Variants in C12orf42 observed in about 807,000 individuals in gnomAD.
C12orf42 encodes uncharacterized protein C12orf42.
C12orf42 carries 25 observed loss-of-function variants against 21.6 expected under a neutral mutation model. That is an observed-to-expected ratio of 1.16 (90% CI 0.84 to 1.62). C12orf42 has a LOEUF of 1.62. Among genes scored for constraint, C12orf42 ranks in the 40% most tolerant of loss-of-function variants. The probability of loss-of-function intolerance (pLI) is 0.00; values close to 1 mark genes in which losing one functional copy is unlikely to be tolerated. For missense variants in C12orf42, 483 were observed against 459.3 expected (o/e 1.05, Z -0.47); for synonymous variants, 174 against 175.0 (o/e 0.99, Z 0.05).
At chr12:103,122,359 AT>A in the C12orf42 span, among the ~76,000 whole-genome samples, 2 of 152,198 alleles carry the variant, frequency 1.3e-5, no homozygotes, top group Non-Finnish European at 2.9e-5. Flanking sequence ...TGCATGGGCA[AT>A]TTAGGGTAAG....
At chr12:103,533,900 C>T in the C12orf42 span, among the ~76,000 whole-genome samples, 3 of 152,026 alleles carry the variant, frequency 2.0e-5, no homozygotes, top group Non-Finnish European at 2.9e-5. Context: ...CAGCACTTAC[C>T]AATAGTGCAG....
At chr12:103,554,776 T>A in the C12orf42 span, among the ~76,000 whole-genome samples, 1 of 152,136 alleles carries the variant, frequency 6.6e-6, no homozygotes, top group East Asian at 1.9e-4. Flanking sequence ...GAGAACTCTA[T>A]CGCAAGACAG....
At chr12:103,429,200 G>C (rs1950080033) in intron 2 of C12orf42, among the ~76,000 whole-genome samples, 2 of 152,220 alleles carry the variant, frequency 1.3e-5, no homozygotes, top group Non-Finnish European at 2.9e-5. Context: ...CAGATGACAT[G>C]ATTGTATGTT....
chr12:103,471,127 C>T (rs1055113434), intron 2 of C12orf42, among the ~76,000 whole-genome samples: 8 of 152,130 alleles, frequency 5.3e-5, no homozygotes, highest in African/African-American at 1.9e-4. Context: ...TTTTCATTTC[C>T]TTACTCAACT....
chr12:103,416,622 G>C (rs1371285734), intron 2 of C12orf42, among the ~76,000 whole-genome samples: 2 of 98,166 alleles, frequency 2.0e-5, no homozygotes, highest in African/African-American at 5.7e-5. Flanking sequence ...CTATATGCAA[G>C]ACAGTTAAAA....
chr12:103,204,267 C>T, the C12orf42 span, among the ~76,000 whole-genome samples: 3 of 152,156 alleles, frequency 2.0e-5, no homozygotes, highest in Non-Finnish European at 2.9e-5. Context: ...GACCCTAAAA[C>T]TTTCAACTTC....
the C12orf42 span, among the ~76,000 whole-genome samples, chr12:103,062,663 A>C: frequency 1.3e-5 from 2 of 152,172 alleles, no homozygotes; most frequent in Non-Finnish European, 2.9e-5. Flanking sequence ...TGCTGCTTTT[A>C]AAATTTTTGT....
At chr12:103,347,300 C>A (rs944273750) in intron 4 of C12orf42, among the ~76,000 whole-genome samples, 1 of 151,170 alleles carries the variant, frequency 6.6e-6, no homozygotes, top group Non-Finnish European at 1.5e-5. Flanking sequence ...TGAGAACATG[C>A]GGTGTTTGGT....
the C12orf42 span, among the ~76,000 whole-genome samples, chr12:103,512,090 C>T: frequency 1.3e-5 from 2 of 152,178 alleles, no homozygotes; most frequent in Non-Finnish European, 2.9e-5. Flanking sequence ...TTATTCCTAT[C>T]ACTGTCCTAC....
upstream of C12orf42, among the ~76,000 whole-genome samples, chr12:103,497,906 G>C (rs527526250): frequency 6.6e-6 from 1 of 151,982 alleles, no homozygotes; most frequent in African/African-American, 2.4e-5. Context: ...GTGGTGGCAC[G>C]CGCCCATAGT....
chr12:103,506,489 C>T, the C12orf42 span, among the ~76,000 whole-genome samples: 45 of 151,768 alleles, frequency 3.0e-4, no homozygotes, highest in African/African-American at 9.2e-4. Context: ...TTTTACTGTA[C>T]GTTTTCTTTG....
At chr12:103,398,556 A>T (rs1017948404) in intron 3 of C12orf42, among the ~76,000 whole-genome samples, 7 of 152,118 alleles carry the variant, frequency 4.6e-5, no homozygotes, top group African/African-American at 1.4e-4. Context: ...AAAGTTTATG[A>T]TTTTTATACC....
the C12orf42 span, among the ~76,000 whole-genome samples, chr12:103,509,812 T>A: frequency 1.4e-4 from 22 of 152,160 alleles, no homozygotes; most frequent in Non-Finnish European, 2.1e-4. Flanking sequence ...TGATGCAACT[T>A]TACTCCTGCA....
the C12orf42 span, among the ~76,000 whole-genome samples, chr12:103,197,424 A>T: frequency 6.6e-6 from 1 of 152,226 alleles, no homozygotes; most frequent in Non-Finnish European, 1.5e-5. Flanking sequence ...AGTTTGGGTC[A>T]TTCATAAAAT....
At chr12:103,063,414 G>A in the C12orf42 span, among the ~76,000 whole-genome samples, 78 of 152,140 alleles carry the variant, frequency 5.1e-4, no homozygotes, top group Non-Finnish European at 9.0e-4. Context: ...AGAATGGGAC[G>A]TGCAACTTGG....
the C12orf42 span, chr12:103,506,146 T>C: frequency 7.4e-3 from 1,250 of 169,610 alleles, 11 homozygotes; most frequent in South Asian, 0.012. Flanking sequence ...GATCCTCTCC[T>C]CTAACTGCTC....
intron 2 of C12orf42, among the ~76,000 whole-genome samples, chr12:103,409,353 A>C (rs1286968708): frequency 6.6e-6 from 1 of 152,206 alleles, no homozygotes; most frequent in Non-Finnish European, 1.5e-5. Context: ...AAAATGCAAA[A>C]TAAAAGATAG....
chr12:103,428,047 A>G (rs1949980766), intron 2 of C12orf42, among the ~76,000 whole-genome samples: 1 of 152,222 alleles, frequency 6.6e-6, no homozygotes, highest in Non-Finnish European at 1.5e-5. Flanking sequence ...TGATGCCCTA[A>G]CATCACAATT....
intron 2 of C12orf42, chr12:103,456,418 T>C (rs1952297798): frequency 1.3e-5 from 2 of 152,144 alleles, no homozygotes; most frequent in Non-Finnish European, 2.9e-5. Context: ...CCTTAGAACA[T>C]AAAGGCTTTT....
Sources: allele counts gnomAD v4.1 joint callset (sites outside exome capture counted in the v4.1 genomes callset), GRCh38; gene constraint gnomAD v4.1.1; transcripts MANE v1.5; gene names NCBI Gene and HGNC (gene_info 2026-07-23, HGNC 2026-07-21).